The following PCCA variants were observed in gnomAD, a reference collection of about 807,000 sequenced individuals.
PCCA encodes the protein propionyl-CoA carboxylase alpha chain, mitochondrial.
PCCA carries 74 observed loss-of-function variants against 101.3 expected under a neutral mutation model. The ratio of observed to expected loss-of-function variants is 0.73; its 90% CI spans 0.61 to 0.89. PCCA has a LOEUF of 0.89. Ranked by LOEUF, PCCA falls within the 40% of genes least tolerant of loss-of-function variation. The pLI, the probability that PCCA is intolerant of heterozygous loss-of-function variation, is 0.00. For missense variants in PCCA, 891 were observed against 907.0 expected (o/e 0.98, Z 0.23); for synonymous variants, 294 against 313.6 (o/e 0.94, Z 0.66).
intron 6 of PCCA, among the ~76,000 whole-genome samples, chr13:100,159,280 G>A (rs1343509218): frequency 6.6e-6 from 1 of 151,334 alleles, no homozygotes; most frequent in African/African-American, 2.4e-5. Flanking sequence ...TAGTAGAGAC[G>A]GGGTTTCACC....
chr13:100,450,867 A>G (rs1330421887), intron 21 of PCCA, among the ~76,000 whole-genome samples: 1 of 152,238 alleles, frequency 6.6e-6, no homozygotes, highest in African/African-American at 2.4e-5. Flanking sequence ...AAACATTTGA[A>G]ATACAATTCA....
In PCCA at chr13:100,111,974, T is replaced by C. The variant is rs2048361810; in HGVS notation, c.232-19T>C. 17 of 1,584,532 alleles carry C rather than the reference T, an allele frequency of 1.1e-5. No individual in the cohort carries two copies. Among genetic ancestry groups the C allele is most frequent in the Non-Finnish European group, 1.5e-5 (17 of 1,154,776 alleles). On this transcript the variant is annotated intron_variant, in intron 3 of 23. Coordinates refer to ENST00000376285, the MANE Select transcript of PCCA (RefSeq NM_000282.4). ...AAGTGTGAATCACTATTAATAGACA[T>C]TAATATATTTTAAAATAGGTTATTA... is the stretch of plus-strand genomic sequence containing the variant.
chr13:100,413,011 T>C (rs1171754399), intron 19 of PCCA, among the ~76,000 whole-genome samples: 1 of 152,224 alleles, frequency 6.6e-6, no homozygotes, highest in Non-Finnish European at 1.5e-5. Context: ...TATTTTAGTA[T>C]GTACATATTA....
chr13:100,353,078 A>G (rs1015393043), intron 18 of PCCA, among the ~76,000 whole-genome samples: 2 of 152,244 alleles, frequency 1.3e-5, no homozygotes, highest in East Asian at 3.8e-4. Flanking sequence ...AAAAGGGTCA[A>G]TCCATCAGAA....
rs78154431 is a variant in PCCA, at chr13:100,378,285, G to T, written c.1746+9711G>T. On this transcript the variant is annotated intron_variant, in intron 19 of 23. Transcript: ENST00000376285. The stretch of plus-strand genomic sequence containing the variant: ...TTCTCTCCTGGTATGTGTGGTTTCT[G>T]CTAAGATGTCGACTGTTAGTCTGAT... Among the ~76,000 whole-genome samples the T allele has an allele frequency of 3.3e-3, 504 of 152,296 alleles. 3 individuals carry two copies. Among genetic ancestry groups the T allele is most frequent in the Middle Eastern group, 6.8e-3 (2 of 294 alleles).
At chr13:100,210,363 C>T (rs919049915) in intron 7 of PCCA, among the ~76,000 whole-genome samples, 1 of 152,194 alleles carries the variant, frequency 6.6e-6, no homozygotes, top group Non-Finnish European at 1.5e-5. Flanking sequence ...GTGACTCAGA[C>T]TTTCATAGGA....
intron 6 of PCCA, among the ~76,000 whole-genome samples, chr13:100,192,426 A>G (rs532263174): frequency 6.6e-6 from 1 of 152,326 alleles, no homozygotes; most frequent in East Asian, 1.9e-4. Flanking sequence ...AGGATGAATG[A>G]ATACATGACT....
chr13:100,477,102 A>G (rs2083471845), intron 21 of PCCA, among the ~76,000 whole-genome samples: 1 of 152,200 alleles, frequency 6.6e-6, no homozygotes, highest in African/African-American at 2.4e-5. Flanking sequence ...TTTAAAGTCA[A>G]GTGCATACTA....
chr13:100,231,604 A>G (rs142137694), intron 7 of PCCA, among the ~76,000 whole-genome samples: 33 of 152,312 alleles, frequency 2.2e-4, no homozygotes, highest in Non-Finnish European at 3.1e-4. Context: ...TGGCTGATTT[A>G]ATTTTTAAAC....
intron 4 of PCCA, among the ~76,000 whole-genome samples, chr13:100,117,211 G>A (rs2048873978): frequency 6.6e-6 from 1 of 151,990 alleles, no homozygotes; most frequent in African/African-American, 2.4e-5. Flanking sequence ...CTGATGTTGA[G>A]TACTTTTTTG....
intron 21 of PCCA, among the ~76,000 whole-genome samples, chr13:100,489,515 A>G (rs1473537626): frequency 6.6e-6 from 1 of 152,182 alleles, no homozygotes; most frequent in African/African-American, 2.4e-5. Flanking sequence ...AAATTGACTA[A>G]TTTTCTTTTT....
At chr13:100,469,845 G>GA (rs573288278) in intron 21 of PCCA, among the ~76,000 whole-genome samples, 2 of 152,170 alleles carry the variant, frequency 1.3e-5, no homozygotes, top group Non-Finnish European at 2.9e-5. Flanking sequence ...TACTGGTGCA[G>GA]AAAACCATTG....
chr13:100,370,441 T>C (rs1182717680), intron 19 of PCCA, among the ~76,000 whole-genome samples: 2 of 152,178 alleles, frequency 1.3e-5, no homozygotes, highest in Non-Finnish European at 2.9e-5. Context: ...ATACGTGGTA[T>C]CTTTCAAATT....
chr13:100,494,794 C>T (rs971952992), intron 21 of PCCA, among the ~76,000 whole-genome samples: 3 of 152,124 alleles, frequency 2.0e-5, no homozygotes, highest in South Asian at 2.1e-4. Context: ...AGTCCTGTGG[C>T]GGTCTGTTCT....
At chr13:100,527,252 C>T (rs770264278) in intron 22 of PCCA, 28 of 470,886 alleles carry the variant, frequency 5.9e-5, no homozygotes, top group Non-Finnish European at 1.1e-4. Context: ...TCAAAAGAAA[C>T]CCTGTACCCT....
intron 6 of PCCA, among the ~76,000 whole-genome samples, chr13:100,183,002 A>G (rs1594589608): frequency 1.3e-5 from 2 of 152,302 alleles, no homozygotes; most frequent in East Asian, 3.9e-4. Flanking sequence ...ATGGGACAGT[A>G]TGATAATTGC....
intron 19 of PCCA, among the ~76,000 whole-genome samples, chr13:100,401,224 G>GT (rs1487220521): frequency 4.0e-5 from 6 of 151,882 alleles, no homozygotes; most frequent in Non-Finnish European, 8.8e-5. Context: ...CACTTTAACT[G>GT]TTTTTTTGTT....
chr13:100,476,484 A>T (rs1321744208), intron 21 of PCCA, among the ~76,000 whole-genome samples: 1 of 152,262 alleles, frequency 6.6e-6, no homozygotes, highest in Non-Finnish European at 1.5e-5. Flanking sequence ...AAACATATTA[A>T]GTATCTTTCC....
At chr13:100,098,390 C>T (rs928935889) in intron 1 of PCCA, among the ~76,000 whole-genome samples, 2 of 152,112 alleles carry the variant, frequency 1.3e-5, no homozygotes, top group East Asian at 1.9e-4. Context: ...GAATGTGGCT[C>T]GTGGCTGCCA....
Sources: gnomAD v4.1 joint callset for allele counts (sites outside exome capture counted in the v4.1 genomes callset) on GRCh38, gnomAD v4.1.1 for gene constraint, MANE v1.5 for transcripts, NCBI Gene and HGNC (gene_info 2026-07-23, HGNC 2026-07-21) for gene names.